CTNNA3: variants seen among roughly 807,000 people sequenced by gnomAD.
The protein encoded by CTNNA3 is catenin alpha-3.
CTNNA3 carries 76 observed loss-of-function variants against 95.7 expected under a neutral mutation model. The observed-to-expected ratio is 0.79, with a 90% confidence interval of 0.66 to 0.96. CTNNA3 has a LOEUF of 0.96. Among genes scored for constraint, CTNNA3 ranks in the 40% least tolerant of loss-of-function variants. The probability of loss-of-function intolerance (pLI) is 0.00; values close to 1 mark genes in which losing one functional copy is unlikely to be tolerated. For synonymous variants in CTNNA3, 431 were observed against 374.4 expected, an observed-to-expected ratio of 1.15 and a Z score of -1.74; for missense variants, 1,191 against 1,089.8, an observed-to-expected ratio of 1.09 and a Z score of -1.31.
chr10:67,095,836 C>T lies in CTNNA3; in HGVS notation c.1047+84481G>A, dbSNP rs188122532. 1.1e-3 allele frequency among the ~76,000 whole-genome samples: 168 copies of T among 151,976 alleles called. 1 individual carries two copies. Among genetic ancestry groups the T allele is most frequent in the Admixed American group, 1.6e-3 (24 of 15,234 alleles). On this transcript the variant is annotated intron_variant, in intron 7 of 17. Transcript: ENST00000433211. ...GTTCTATTTTTGTTCTCTTCTATAA[C>T]TCAAATCTATTCATGCTGCACATTT...
intron 11 of CTNNA3, among the ~76,000 whole-genome samples, chr10:66,381,333 A>G (rs2092836850): frequency 6.6e-6 from 1 of 152,084 alleles, no homozygotes. Context: ...CTCATTCTCT[A>G]CAACAAAACC....
At chr10:66,170,717 A>G (rs1327129139) in intron 13 of CTNNA3, among the ~76,000 whole-genome samples, 1 of 128,316 alleles carries the variant, frequency 7.8e-6, no homozygotes, top group Non-Finnish European at 1.7e-5. Context: ...CAGAGAAAGC[A>G]ATGTTTACCC....
intron 11 of CTNNA3, among the ~76,000 whole-genome samples, chr10:66,454,676 A>T (rs1035234614): frequency 6.6e-6 from 1 of 152,066 alleles, no homozygotes; most frequent in Non-Finnish European, 1.5e-5. Context: ...CCAACTCTAC[A>T]AAATCTCCTC....
chr10:66,004,897 A>G (rs1172655357), intron 15 of CTNNA3, among the ~76,000 whole-genome samples: 1 of 152,198 alleles, frequency 6.6e-6, no homozygotes, highest in Non-Finnish European at 1.5e-5. Flanking sequence ...AACAAATATT[A>G]ACCAATTTGT....
At chr10:67,074,552 A>G (rs933329373) in intron 7 of CTNNA3, among the ~76,000 whole-genome samples, 21 of 149,516 alleles carry the variant, frequency 1.4e-4, no homozygotes, top group African/African-American at 5.0e-4. Context: ...GGGTTTCACC[A>G]TGTTAGCCAG....
chr10:66,337,291 C>T (rs1339172224), intron 12 of CTNNA3, among the ~76,000 whole-genome samples: 1 of 151,946 alleles, frequency 6.6e-6, no homozygotes, highest in Non-Finnish European at 1.5e-5. Context: ...GTAAAGGAGT[C>T]CTGAGACCAA....
intron 7 of CTNNA3, among the ~76,000 whole-genome samples, chr10:66,836,366 G>A (rs1842887894): frequency 6.6e-6 from 1 of 152,048 alleles, no homozygotes; most frequent in African/African-American, 2.4e-5. Flanking sequence ...CTTGTTTGGT[G>A]AGTCACTGAC....
intron 12 of CTNNA3, among the ~76,000 whole-genome samples, chr10:66,360,966 A>G (rs2132429453): frequency 8.1e-6 from 1 of 123,288 alleles, no homozygotes; most frequent in South Asian, 2.5e-4. Flanking sequence ...TCTTTCTATT[A>G]TATTTTAAGA....
intron 7 of CTNNA3, among the ~76,000 whole-genome samples, chr10:67,095,117 A>AT (rs2131924029): frequency 6.6e-6 from 1 of 151,482 alleles, no homozygotes; most frequent in African/African-American, 2.4e-5. Context: ...ACTCTCTTAA[A>AT]TTTTCAAAAT....
intron 9 of CTNNA3, among the ~76,000 whole-genome samples, chr10:66,656,169 C>A (rs1213296207): frequency 6.6e-6 from 1 of 151,950 alleles, no homozygotes; most frequent in Non-Finnish European, 1.5e-5. Context: ...ACAGTGAATC[C>A]AATGCATGTC....
chr10:66,086,696 G>A (rs1431555660), intron 14 of CTNNA3, among the ~76,000 whole-genome samples: 1 of 151,926 alleles, frequency 6.6e-6, no homozygotes, highest in African/African-American at 2.4e-5. Context: ...AGAAAAGAAC[G>A]ATCTTTCCTA....
chr10:66,474,734 C>T (rs966863353), intron 11 of CTNNA3, among the ~76,000 whole-genome samples: 1 of 151,940 alleles, frequency 6.6e-6, no homozygotes, highest in Admixed American at 6.6e-5. Flanking sequence ...TAGATAATAA[C>T]CATTCTGAGG....
chr10:67,564,455 G>A (rs1256500693), intron 3 of CTNNA3, among the ~76,000 whole-genome samples: 1 of 130,824 alleles, frequency 7.6e-6, no homozygotes, highest in Non-Finnish European at 1.6e-5. Flanking sequence ...AGAACACTTG[G>A]ACACAGGGTG....
At chr10:66,397,805 G>A (rs149902808) in intron 11 of CTNNA3, among the ~76,000 whole-genome samples, 3 of 151,902 alleles carry the variant, frequency 2.0e-5, no homozygotes, top group East Asian at 1.9e-4. Context: ...ATTATGTACC[G>A]TGAGTTGTCC....
At chr10:67,346,682 G>A (rs150722195) in intron 5 of CTNNA3, 156 of 511,220 alleles carry the variant, frequency 3.1e-4, no homozygotes, top group African/African-American at 1.9e-3. Context: ...TCCTAATCTC[G>A]TGGCGATAGA....
intron 11 of CTNNA3, among the ~76,000 whole-genome samples, chr10:66,421,834 C>CAAAAA (rs35845509): frequency 3.7e-5 from 3 of 81,492 alleles, no homozygotes; most frequent in Non-Finnish European, 2.6e-5. Flanking sequence ...GACTCTGTCT[C>CAAAAA]AAAAAAAAAA....
intron 5 of CTNNA3, among the ~76,000 whole-genome samples, chr10:67,222,020 T>A (rs1228285038): frequency 6.6e-6 from 1 of 152,126 alleles, no homozygotes; most frequent in Non-Finnish European, 1.5e-5. Flanking sequence ...TAGAAACTAG[T>A]AAAGGAACAG....
chr10:66,644,075 T>C (rs918604341), intron 9 of CTNNA3, among the ~76,000 whole-genome samples: 1 of 151,878 alleles, frequency 6.6e-6, no homozygotes, highest in African/African-American at 2.4e-5. Flanking sequence ...CTGGGCAATA[T>C]GACAAGCCCC....
At chr10:66,836,269 C>A (rs1289895039) in intron 7 of CTNNA3, among the ~76,000 whole-genome samples, 7 of 152,128 alleles carry the variant, frequency 4.6e-5, no homozygotes, top group Non-Finnish European at 1.5e-5. Flanking sequence ...CGTGCAAAAC[C>A]TGCAGCATCA....
Sources: allele counts gnomAD v4.1 joint callset (sites outside exome capture counted in the v4.1 genomes callset), GRCh38; gene constraint gnomAD v4.1.1; transcripts MANE v1.5; gene names NCBI Gene and HGNC (gene_info 2026-07-23, HGNC 2026-07-21).